The following TEC variants were observed in gnomAD, a reference collection of about 807,000 sequenced individuals.
The protein encoded by TEC is tyrosine-protein kinase Tec.
TEC carries 72 observed loss-of-function variants against 93.0 expected under a neutral mutation model. The observed-to-expected ratio is 0.77, with a 90% CI of 0.64 to 0.94. The LOEUF (loss-of-function observed/expected upper bound fraction) is 0.94, where lower values mean the gene tolerates loss of function less well. Ranked by LOEUF, TEC falls within the 40% of genes least tolerant of loss-of-function variation. The probability of loss-of-function intolerance (pLI) is 0.00; values close to 1 mark genes in which losing one functional copy is unlikely to be tolerated. For missense variants in TEC, 630 were observed against 757.9 expected, an observed-to-expected ratio of 0.83 and a Z score of 1.98; for synonymous variants, 249 against 247.7, an observed-to-expected ratio of 1.01 and a Z score of -0.05.
intron 1 of TEC, among the ~76,000 whole-genome samples, chr4:48,234,225 G>T (rs865921169): frequency 2.0e-5 from 3 of 152,168 alleles, no homozygotes; most frequent in African/African-American, 7.2e-5. Context: ...GGAGAATAAA[G>T]ACGTTTTTCA....
chr4:48,212,593 C>T (rs552927236), intron 2 of TEC, among the ~76,000 whole-genome samples: 43 of 152,232 alleles, frequency 2.8e-4, no homozygotes, highest in African/African-American at 1.0e-3. Flanking sequence ...AGTATGTATA[C>T]AAAACACTGA....
At chr4:48,217,953 A>G (rs1723133073) in intron 2 of TEC, among the ~76,000 whole-genome samples, 1 of 124,060 alleles carries the variant, frequency 8.1e-6, no homozygotes, top group African/African-American at 2.9e-5. Flanking sequence ...TCAGCTTCCT[A>G]GAGAAAAAAA....
intron 8 of TEC, among the ~76,000 whole-genome samples, chr4:48,160,325 T>C (rs754484198): frequency 6.6e-6 from 1 of 152,106 alleles, no homozygotes; most frequent in Admixed American, 6.5e-5. Flanking sequence ...TGCTAATCAA[T>C]GGGGTCCTGA....
At chr4:48,232,558 G>T (rs930046234) in intron 1 of TEC, among the ~76,000 whole-genome samples, 3 of 152,032 alleles carry the variant, frequency 2.0e-5, no homozygotes, top group African/African-American at 2.4e-5. Context: ...ATAATTCATT[G>T]GCCAATGGGA....
At chr4:48,162,473 C>T (rs1448211592) in intron 8 of TEC, among the ~76,000 whole-genome samples, 2 of 152,152 alleles carry the variant, frequency 1.3e-5, no homozygotes, top group Non-Finnish European at 2.9e-5. Flanking sequence ...ATCCTCTTTC[C>T]CCAAATTCAA....
intron 2 of TEC, among the ~76,000 whole-genome samples, chr4:48,179,358 ATATATATATATATATATATTTTTT>A (rs1721475335): frequency 1.1e-4 from 4 of 35,954 alleles, no homozygotes; most frequent in African/African-American, 4.9e-4. Flanking sequence ...ATATATATAT[ATATATATATATATATATATTTTTT>A]TTTTTTTTTT....
At chr4:48,162,145 A>G (rs925560577) in intron 8 of TEC, among the ~76,000 whole-genome samples, 3 of 152,250 alleles carry the variant, frequency 2.0e-5, no homozygotes, top group Admixed American at 6.5e-5. Context: ...AACATGGAGT[A>G]GGAAGACAGA....
At chr4:48,203,677 C>T (rs1408816636) in intron 2 of TEC, among the ~76,000 whole-genome samples, 4 of 152,030 alleles carry the variant, frequency 2.6e-5, no homozygotes, top group East Asian at 1.9e-4. Context: ...ATATTTCCAC[C>T]GGAGACACAA....
intron 9 of TEC, chr4:48,153,461 T>C (rs1182527673): frequency 6.6e-6 from 1 of 152,262 alleles, no homozygotes. Flanking sequence ...TAGTGTTTAC[T>C]ACTAATTGAT....
chr4:48,207,950 A>C (rs574718565), intron 2 of TEC, among the ~76,000 whole-genome samples: 56 of 152,344 alleles, frequency 3.7e-4, no homozygotes, highest in African/African-American at 1.0e-3. Flanking sequence ...AAAGAGAACA[A>C]CACCATTTGG....
intron 1 of TEC, among the ~76,000 whole-genome samples, chr4:48,267,572 C>A (rs181218856): frequency 3.9e-5 from 6 of 152,194 alleles, no homozygotes; most frequent in African/African-American, 1.4e-4. Flanking sequence ...CTTGAATGCC[C>A]AATTTATGAT....
intron 2 of TEC, among the ~76,000 whole-genome samples, chr4:48,222,118 A>C (rs1723286334): frequency 2.6e-5 from 4 of 152,200 alleles, no homozygotes; most frequent in Admixed American, 2.6e-4. Flanking sequence ...CCAGGCACTC[A>C]ACAAATTTTT....
rs761777249 is a variant in TEC at position 48,138,832 on chromosome 4, G to A, written c.1655-10C>T. The A allele has an allele frequency of 6.8e-6, 11 of 1,613,434 alleles. No homozygotes were observed. In the African/African-American group the frequency reaches 8.0e-5, roughly 12 times the overall value. On this transcript the variant is annotated splice_polypyrimidine_tract_variant and intron_variant, in intron 16 of 17. Transcript: ENST00000381501. ...TCCCACATTAAAACACCTGGAAAAG[G>A]ATAAGGATTACCAAATGGATGTATC...
At chr4:48,164,462 A>G (rs191657612) in intron 7 of TEC, among the ~76,000 whole-genome samples, 96 of 152,324 alleles carry the variant, frequency 6.3e-4, no homozygotes, top group Non-Finnish European at 1.1e-3. Context: ...TTTTCAGCAT[A>G]AGAAAACAGA....
chr4:48,138,138 C>T (rs1314442263), intron 17 of TEC, among the ~76,000 whole-genome samples: 2 of 152,190 alleles, frequency 1.3e-5, no homozygotes, highest in East Asian at 1.9e-4. Flanking sequence ...AAAGTATCTC[C>T]ACCTCAAAGT....
At chr4:48,161,200 G>A (rs1412613660) in intron 8 of TEC, among the ~76,000 whole-genome samples, 1 of 152,028 alleles carries the variant, frequency 6.6e-6, no homozygotes, top group Non-Finnish European at 1.5e-5. Context: ...AAGACAAGAG[G>A]TAGAACAAAG....
intron 17 of TEC, 75 bp downstream of exon 17, chr4:48,138,590 A>G: frequency 1.3e-6 from 2 of 1,502,296 alleles, no homozygotes; most frequent in Non-Finnish European, 1.8e-6. Flanking sequence ...ACTAGGCTAT[A>G]AAGACTGCAT....
At chr4:48,194,938 A>G (rs1163961417) in intron 2 of TEC, among the ~76,000 whole-genome samples, 1 of 152,242 alleles carries the variant, frequency 6.6e-6, no homozygotes, top group Non-Finnish European at 1.5e-5. Flanking sequence ...TTGTAATACA[A>G]CCCATCAACT....
intron 1 of TEC, among the ~76,000 whole-genome samples, chr4:48,249,425 G>T (rs1050485841): frequency 3.3e-5 from 5 of 152,228 alleles, no homozygotes; most frequent in African/African-American, 1.2e-4. Flanking sequence ...TTCAGTTTAA[G>T]ATACACTCTC....
Sources: gnomAD v4.1 joint callset for allele counts (sites outside exome capture counted in the v4.1 genomes callset) on GRCh38, gnomAD v4.1.1 for gene constraint, MANE v1.5 for transcripts, NCBI Gene and HGNC (gene_info 2026-07-23, HGNC 2026-07-21) for gene names.